RANBP2: variants seen among roughly 807,000 people sequenced by gnomAD.
RANBP2 encodes RAN binding protein 2.
Under a neutral mutation model 303.6 loss-of-function variants are expected in RANBP2, and 57 were observed. The observed-to-expected ratio is 0.19, with a 90% CI of 0.15 to 0.23. The LOEUF is 0.23. Ranked by LOEUF, RANBP2 falls within the 10% of genes least tolerant of loss-of-function variation. The pLI, the probability that RANBP2 is intolerant of heterozygous loss-of-function variation, is 1.00. For synonymous variants in RANBP2, 1,167 were observed against 1,301.5 expected (o/e 0.90, Z 2.23); for missense variants, 3,138 against 3,780.8 (o/e 0.83, Z 4.46).
the RANBP2 span, among the ~76,000 whole-genome samples, chr2:109,359,264 C>T: frequency 6.6e-6 from 1 of 152,288 alleles, no homozygotes; most frequent in East Asian, 1.9e-4. Context: ...GGTCTCTTGC[C>T]TCTCCATATA....
At chr2:109,131,359 T>C in the RANBP2 span, among the ~76,000 whole-genome samples, 1 of 152,242 alleles carries the variant, frequency 6.6e-6, no homozygotes, top group Admixed American at 6.5e-5. Flanking sequence ...TTAATTGTGA[T>C]TAAATCCAGC....
the RANBP2 span, among the ~76,000 whole-genome samples, chr2:109,154,067 A>G: frequency 6.6e-6 from 1 of 152,230 alleles, no homozygotes; most frequent in Non-Finnish European, 1.5e-5. Context: ...TTGATGCATC[A>G]AAGTATGAAC....
the RANBP2 span, chr2:109,574,744 A>T: frequency 6.3e-7 from 1 of 1,595,646 alleles, no homozygotes; most frequent in Non-Finnish European, 8.5e-7. Flanking sequence ...CTGAGCATCT[A>T]TGTAGTCAAC....
At chr2:109,588,851 A>T in the RANBP2 span, among the ~76,000 whole-genome samples, 7 of 25,580 alleles carry the variant, frequency 2.7e-4, no homozygotes, top group Non-Finnish European at 4.3e-4. Context: ...AATTACTATT[A>T]AAAAAAAAAA....
the RANBP2 span, among the ~76,000 whole-genome samples, chr2:108,991,621 C>CA: frequency 5.9e-5 from 9 of 152,204 alleles, no homozygotes; most frequent in African/African-American, 1.7e-4. Context: ...TGGAGGGGCA[C>CA]AACAGGCAGG....
the RANBP2 span, chr2:109,615,343 G>T: frequency 6.2e-7 from 1 of 1,612,366 alleles, no homozygotes; most frequent in South Asian, 1.1e-5. Context: ...AGCCTGGAGG[G>T]CTTGCTCACC....
At chr2:109,114,975 T>C in the RANBP2 span, among the ~76,000 whole-genome samples, 4 of 152,248 alleles carry the variant, frequency 2.6e-5, no homozygotes, top group African/African-American at 7.2e-5. Context: ...AGTTCTGGTT[T>C]GATTGCACTG....
the RANBP2 span, among the ~76,000 whole-genome samples, chr2:109,418,675 T>C: frequency 1.3e-5 from 2 of 152,108 alleles, no homozygotes; most frequent in East Asian, 3.9e-4. Context: ...AGACCCCTAT[T>C]CCAGATAAGA....
chr2:109,495,219 A>G, the RANBP2 span, among the ~76,000 whole-genome samples: 3 of 152,246 alleles, frequency 2.0e-5, no homozygotes, highest in African/African-American at 7.2e-5. Context: ...GGGTGTGGTC[A>G]TGGGAAATGC....
chr2:108,950,902 AGGAAGG>A, the RANBP2 span, among the ~76,000 whole-genome samples: 1 of 152,222 alleles, frequency 6.6e-6, no homozygotes, highest in Admixed American at 6.5e-5. Context: ...CCAGGCCCCC[AGGAAGG>A]GGTGTGACCT....
the RANBP2 span, among the ~76,000 whole-genome samples, chr2:108,932,523 T>C: frequency 3.4e-5 from 4 of 117,622 alleles, no homozygotes; most frequent in Admixed American, 9.4e-5. Flanking sequence ...AGTGAGACTC[T>C]GTCTCAAAAA....
the RANBP2 span, among the ~76,000 whole-genome samples, chr2:108,832,763 C>T: frequency 6.6e-6 from 1 of 152,016 alleles, no homozygotes; most frequent in Non-Finnish European, 1.5e-5. Flanking sequence ...GAGACAGACA[C>T]CTAGTAGTTG....
At chr2:109,696,955 T>G in the RANBP2 span, among the ~76,000 whole-genome samples, 1 of 152,094 alleles carries the variant, frequency 6.6e-6, no homozygotes, top group Non-Finnish European at 1.5e-5. Context: ...TTTTTAAATT[T>G]TTTGTAGAGA....
the RANBP2 span, among the ~76,000 whole-genome samples, chr2:108,925,891 C>A: frequency 5.4e-4 from 82 of 152,250 alleles, no homozygotes; most frequent in African/African-American, 1.9e-3. Context: ...ATTGGGATTA[C>A]AGGCGTGAAC....
chr2:108,853,151 G>A, the RANBP2 span, among the ~76,000 whole-genome samples: 1 of 152,154 alleles, frequency 6.6e-6, no homozygotes, highest in Non-Finnish European at 1.5e-5. Context: ...ACCCACAATC[G>A]GAATAGTGAA....
At chr2:109,568,921 T>C in the RANBP2 span, among the ~76,000 whole-genome samples, 2 of 152,212 alleles carry the variant, frequency 1.3e-5, no homozygotes, top group Non-Finnish European at 2.9e-5. Context: ...TTTGAAGTCC[T>C]ATCACTGACA....
At position 108,765,243 on chromosome 2, in the gene RANBP2, T is replaced by A; in HGVS notation, c.4704T>A (p.Asn1568Lys). Residue 1568 changes from asparagine (N) to lysine (K), a missense_variant, in exon 20 of 29, where the codon AAT becomes AAA. By Grantham distance (94) the Asn-to-Lys change is moderately conservative (BLOSUM62 0). This residue lies in a region of RANBP2 where 388 missense variants were observed against 328.5 expected (regional missense o/e 1.18). Coordinates refer to ENST00000283195, the MANE Select transcript of RANBP2 (RefSeq NM_006267.5). ...ANATRCVACQ[N>K]PDKPSPSTSV... ...CTACAAGATGTGTTGCTTGTCAGAA[T>A]CCGGATAAACCAAGTCCATCTACTT... The A allele has an allele frequency of 6.2e-7, 1 of 1,614,036 alleles. No homozygotes were observed. The highest frequency in any genetic ancestry group is 8.5e-7 in the Non-Finnish European group (1 of 1,179,988).
chr2:109,436,637 T>C, the RANBP2 span, among the ~76,000 whole-genome samples: 1 of 152,258 alleles, frequency 6.6e-6, no homozygotes, highest in Non-Finnish European at 1.5e-5. Context: ...AAAGATTTCG[T>C]TCAGCTCATT....
the RANBP2 span, among the ~76,000 whole-genome samples, chr2:108,916,969 C>T: frequency 6.6e-6 from 1 of 152,188 alleles, no homozygotes; most frequent in Non-Finnish European, 1.5e-5. Context: ...GCCACCCAGG[C>T]CACCAAAGGG....
Sources: gnomAD v4.1 joint callset for allele counts (sites outside exome capture counted in the v4.1 genomes callset) on GRCh38, gnomAD v4.1.1 for gene constraint, gnomAD v4.1.1 regional missense constraint, MANE v1.5 for transcripts, NCBI Gene and HGNC (gene_info 2026-07-23, HGNC 2026-07-21) for gene names.